RBM33: variants seen among roughly 807,000 people sequenced by gnomAD.
RBM33 encodes the protein RNA-binding protein 33.
RBM33 carries 28 observed loss-of-function variants against 132.6 expected under a neutral mutation model. That is an observed-to-expected ratio of 0.21 (90% CI 0.16 to 0.29). RBM33 has a LOEUF of 0.29. Among genes scored for constraint, RBM33 ranks in the 10% least tolerant of loss-of-function variants. The pLI is 1.00. For synonymous variants in RBM33, 634 were observed against 593.0 expected (o/e 1.07, Z -1.01); for missense variants, 1,291 against 1,518.5 (o/e 0.85, Z 2.49).
At chr7:155,677,904 A>C (rs975996390) in intron 3 of RBM33, among the ~76,000 whole-genome samples, 1 of 152,228 alleles carries the variant, frequency 6.6e-6, no homozygotes, top group African/African-American at 2.4e-5. Context: ...ACATATAAGT[A>C]ATTTTAAAAA....
chr7:155,673,284 T>G (rs1798995287), intron 3 of RBM33, among the ~76,000 whole-genome samples: 1 of 152,024 alleles, frequency 6.6e-6, no homozygotes. Flanking sequence ...GAGATAAGCT[T>G]AAAGGTAAAC....
intron 9 of RBM33, among the ~76,000 whole-genome samples, chr7:155,720,542 C>A (rs930613808): frequency 2.0e-5 from 3 of 152,018 alleles, no homozygotes; most frequent in African/African-American, 7.3e-5. Context: ...AACTTGGTTC[C>A]TGTGAATGTA....
rs544299111 is a variant in RBM33, at chr7:155,687,504, G to T, written c.567+6596G>T. 1.8e-4 allele frequency among the ~76,000 whole-genome samples: 27 copies of T among 152,162 alleles called. 1 individual carries two copies. Among genetic ancestry groups the T allele is most frequent in the African/African-American group, 5.5e-4 (23 of 41,512 alleles). ...AATTAGATCCCATTTGTCAATTTTGGCTTTTGTTGCCATTGCTTTTGGTGT... is the reference window on the plus strand; with the variant it reads ...AATTAGATCCCATTTGTCAATTTTGTCTTTTGTTGCCATTGCTTTTGGTGT... On this transcript the variant is annotated intron_variant, in intron 5 of 17. Transcript: ENST00000401878.
At position 155,707,041 on chromosome 7, in the gene RBM33, G is replaced by A. The variant is rs1460414588; in HGVS notation, c.921G>A (p.Ala307=). Residue 307 remains alanine, a synonymous_variant, in exon 7 of 18, where the codon GCG becomes GCA. Coordinates refer to ENST00000401878, the MANE Select transcript of RBM33 (RefSeq NM_053043.3). ...ERGRMKDHRP[A]LLPTQPPVVP... is the part of the protein sequence containing the mutation. Reference sequence around the variant, plus strand: ...GCAGGATGAAGGACCACAGACCTGCGCTGCTTCCTACACAGCCTCCTGTCG... The same window carrying A: ...GCAGGATGAAGGACCACAGACCTGCACTGCTTCCTACACAGCCTCCTGTCG... 5 of 1,561,216 alleles carry A rather than the reference G, an allele frequency of 3.2e-6. No homozygotes were observed. The highest frequency in any genetic ancestry group is 1.4e-5 in the African/African-American group (1 of 73,330).
chr7:155,683,926 G>A (rs1205574681), intron 5 of RBM33, among the ~76,000 whole-genome samples: 1 of 152,132 alleles, frequency 6.6e-6, no homozygotes, highest in Non-Finnish European at 1.5e-5. Context: ...GTACTGCATT[G>A]TACACTGGCT....
intron 14 of RBM33, among the ~76,000 whole-genome samples, chr7:155,763,499 T>C (rs1030460483): frequency 2.0e-5 from 3 of 152,250 alleles, no homozygotes; most frequent in Non-Finnish European, 4.4e-5. Context: ...GTGTTGGATA[T>C]GAAGTATTTT....
chr7:155,690,941 G>C (rs140572353), intron 5 of RBM33, among the ~76,000 whole-genome samples: 1 of 152,044 alleles, frequency 6.6e-6, no homozygotes, highest in Non-Finnish European at 1.5e-5. Flanking sequence ...TGACAATTAT[G>C]TGTCTTGGAG....
rs1187842381 is a variant in RBM33 at position 155,745,913 on chromosome 7, G to A, written c.2979+311G>A. Among the ~76,000 whole-genome samples the A allele has an allele frequency of 2.0e-5, 3 of 152,210 alleles. No individual in the cohort carries two copies. The highest frequency in any genetic ancestry group is 4.1e-4 in the South Asian group (2 of 4,830). Reference sequence around the variant, plus strand: ...TGTTGCTCCCTGGCCACAAGCCTGTGCAGCATGTTACTGTGCTGAATACTA... The same window carrying A: ...TGTTGCTCCCTGGCCACAAGCCTGTACAGCATGTTACTGTGCTGAATACTA... On this transcript the variant is annotated intron_variant, in intron 14 of 17. Transcript: ENST00000401878. The surrounding 1 kb of genome is among the most constrained non-coding windows in gnomAD (Gnocchi z 4.1).
In RBM33 at chr7:155,673,947, T is replaced by TG. The variant is rs1563138357; in HGVS notation, c.171+1032_171+1033insG. Among the ~76,000 whole-genome samples, 260 of 97,772 alleles carry TG rather than the reference T, an allele frequency of 2.7e-3. 44 individuals carry two copies. The highest frequency in any genetic ancestry group is 0.015 in the South Asian group (35 of 2,306). The allele number at this position is 97,772 out of a possible 152,430, so 64.1% of individuals were successfully genotyped here. A position where few individuals can be genotyped will look rare whatever the true frequency, so the allele number is the denominator to read the frequency against. On this transcript the variant is annotated intron_variant, in intron 3 of 17. Coordinates refer to ENST00000401878, the MANE Select transcript of RBM33 (RefSeq NM_053043.3). The stretch of plus-strand genomic sequence containing the variant: ...CAAGATAGTTTAGGCTTAGTTTTTT[T>TG]TTTTTTTTTTTTTTTTTTTTTTTTT...
At chr7:155,753,083 G>C (rs769155427) in intron 14 of RBM33, among the ~76,000 whole-genome samples, 7 of 152,182 alleles carry the variant, frequency 4.6e-5, no homozygotes, top group Non-Finnish European at 8.8e-5. Flanking sequence ...CTGAAGCATA[G>C]CAAAGGAGGA....
At chr7:155,654,129 C>T (rs1040999153) in intron 1 of RBM33, among the ~76,000 whole-genome samples, 1 of 152,132 alleles carries the variant, frequency 6.6e-6, no homozygotes, top group African/African-American at 2.4e-5. Flanking sequence ...TCTACCCCAC[C>T]CTCAAATAAA....
intron 1 of RBM33, among the ~76,000 whole-genome samples, chr7:155,649,103 T>C (rs554415549): frequency 2.0e-5 from 3 of 152,192 alleles, no homozygotes; most frequent in Admixed American, 6.5e-5. Context: ...TACTTTGTTT[T>C]CTCCTTCTGG....
rs755354192 is a variant in RBM33 at position 155,764,019 on chromosome 7, G to GTAC, written c.3186+3_3186+5dup. 6.5e-7 allele frequency: 1 copy of GTAC among 1,527,700 alleles called. No individual in the cohort carries two copies. The highest frequency in any genetic ancestry group is 2.4e-5 in the East Asian group (1 of 42,342). 94.6% of individuals were successfully genotyped at this position (1,527,700 alleles called of 1,614,324 possible). ...CCAAGGAATTCACCCGGCGAAGAAG[G>GTAC]TACTGCTTGTTGCCTCGCACGCAGC... is the stretch of plus-strand genomic sequence containing the variant. On this transcript the variant is annotated splice_donor_variant, in intron 15 of 17. Transcript: ENST00000401878. LOFTEE classifies it high-confidence loss of function.
rs1242546017 is a variant in RBM33 at position 155,706,933 on chromosome 7, C to T, written c.813C>T (p.Tyr271=). ...ERERQHKQGR[Y]SSRRGGRRGG... Reference sequence around the variant, plus strand: ...AGCGACAGCATAAACAAGGACGCTACAGCTCCAGGCGGGGAGGACGGCGAG... The same window carrying T: ...AGCGACAGCATAAACAAGGACGCTATAGCTCCAGGCGGGGAGGACGGCGAG... Residue 271 remains tyrosine, a synonymous_variant, in exon 7 of 18, where the codon TAC becomes TAT. Transcript: ENST00000401878. 1.2e-6 allele frequency: 2 copies of T among 1,606,326 alleles called. No individual in the cohort carries two copies. The highest frequency in any genetic ancestry group is 1.3e-5 in the African/African-American group (1 of 74,816).
At position 155,680,838 on chromosome 7, in the gene RBM33, C is replaced by T; in HGVS notation, c.497C>T (p.Pro166Leu). 1 of 1,613,772 alleles carries T rather than the reference C, an allele frequency of 6.2e-7. No homozygotes were observed. The highest frequency in any genetic ancestry group is 1.1e-5 in the South Asian group (1 of 91,048). ...GACCAAATAGAATATGTGGAAGAGC[C>T]AGAGGAGGAGCAGCTTTACACTGAT... is the stretch of plus-strand genomic sequence containing the variant. ...TEDQIEYVEE[P>L]EEEQLYTDEV... is the part of the protein sequence containing the mutation. The change falls in exon 5 of 18, where the codon CCA becomes CTA. Residue 166 changes from proline (P) to leucine (L), a missense_variant. Transcript: ENST00000401878.
intron 16 of RBM33, among the ~76,000 whole-genome samples, chr7:155,772,324 A>G (rs1452685718): frequency 1.3e-5 from 2 of 152,288 alleles, no homozygotes; most frequent in East Asian, 1.9e-4. Context: ...GGGATGGACA[A>G]GTGACACTCA....
intron 9 of RBM33, among the ~76,000 whole-genome samples, chr7:155,726,888 A>G (rs1019654377): frequency 1.3e-5 from 2 of 152,200 alleles, no homozygotes; most frequent in African/African-American, 4.8e-5. Flanking sequence ...GTTGTCATTC[A>G]TTGGTGATGT....
chr7:155,775,285 G>C lies in RBM33; in HGVS notation c.*244G>C, dbSNP rs556517978. ...CTCTTGTCACCACCAAGAACTCCAAGTTTTTCGTTTTGTTTTGTTTTCAAA... is the reference window on the plus strand; with the variant it reads ...CTCTTGTCACCACCAAGAACTCCAACTTTTTCGTTTTGTTTTGTTTTCAAA... On this transcript the variant is annotated 3_prime_UTR_variant, in exon 18 of 18. Coordinates refer to ENST00000401878, the MANE Select transcript of RBM33 (RefSeq NM_053043.3). 1.6e-6 allele frequency: 1 copy of C among 620,200 alleles called. No individual in the cohort carries two copies. The highest frequency in any genetic ancestry group is 2.8e-5 in the East Asian group (1 of 35,634). 38.4% of individuals were successfully genotyped at this position (620,200 alleles called of 1,614,324 possible).
At position 155,656,173 on chromosome 7, in the gene RBM33, C is replaced by T. The variant is rs574592103; in HGVS notation, c.44-9002C>T. On this transcript the variant is annotated intron_variant, in intron 1 of 17. Transcript: ENST00000401878. Reference sequence around the variant, plus strand: ...TGATATTGTGAGCTTGAAAACTTCCCAGCACTTGAGGACTTTCCTGGTGAG... The same window carrying T: ...TGATATTGTGAGCTTGAAAACTTCCTAGCACTTGAGGACTTTCCTGGTGAG... Among the ~76,000 whole-genome samples, 14 of 152,280 alleles carry T rather than the reference C, an allele frequency of 9.2e-5. No individual in the cohort carries two copies. In the South Asian group the frequency reaches 2.7e-3, roughly 29 times the overall value.
Sources: allele counts gnomAD v4.1 joint callset (sites outside exome capture counted in the v4.1 genomes callset), GRCh38; gene constraint gnomAD v4.1.1; non-coding constraint Gnocchi (gnomAD v3.1); transcripts MANE v1.5; gene names NCBI Gene and HGNC (gene_info 2026-07-23, HGNC 2026-07-21).